Variants in ZNF600 observed in about 807,000 individuals in gnomAD.
ZNF600 encodes zinc finger protein KR-ZNF1.
ZNF600 carries 4 observed loss-of-function variants against 7.3 expected under a neutral mutation model. The observed-to-expected ratio is 0.55, with a 90% CI of 0.27 to 1.25. The LOEUF is 1.25. Ranked by LOEUF, ZNF600 falls within the 50% of genes most tolerant of loss-of-function variation. ZNF600 has a pLI of 0.12. For synonymous variants in ZNF600, 290 were observed against 308.9 expected (o/e 0.94, Z 0.64); for missense variants, 911 against 922.1 (o/e 0.99, Z 0.16).
At chr19:52,787,859 C>CA (rs561775430), upstream of ZNF600, among the ~76,000 whole-genome samples, 1,045 of 84,452 alleles carry the variant, frequency 0.012, 38 homozygotes, top group East Asian at 0.11. Flanking sequence ...GGCTACGTCT[C>CA]AAAAAAAAAA....
chr19:52,811,705 C>T, the ZNF600 span, among the ~76,000 whole-genome samples: 4 of 149,236 alleles, frequency 2.7e-5, no homozygotes, highest in Admixed American at 1.3e-4. Context: ...GCAACCACCC[C>T]GTCTGGGAAG....
chr19:52,816,393 G>A, the ZNF600 span, among the ~76,000 whole-genome samples: 14 of 146,122 alleles, frequency 9.6e-5, 1 homozygote, highest in Middle Eastern at 3.4e-3. Flanking sequence ...AGCCGGGCGC[G>A]GTGGCTCAAG....
chr19:52,811,316 C>T, the ZNF600 span, among the ~76,000 whole-genome samples: 3 of 150,312 alleles, frequency 2.0e-5, no homozygotes, highest in African/African-American at 5.0e-5. Context: ...GCCGCCACCC[C>T]GTCTGGGAAG....
At chr19:52,820,090 T>C in the ZNF600 span, among the ~76,000 whole-genome samples, 1 of 142,078 alleles carries the variant, frequency 7.0e-6, no homozygotes, top group Non-Finnish European at 1.5e-5. Context: ...GGCTCCATCC[T>C]TGCAACTTAT....
the ZNF600 span, among the ~76,000 whole-genome samples, chr19:52,828,577 C>G: frequency 6.6e-6 from 1 of 152,088 alleles, no homozygotes; most frequent in Admixed American, 6.6e-5. Flanking sequence ...ACGCATTTCC[C>G]TTAGTTATCT....
At chr19:52,772,779 C>T (rs1420305242) in intron 3 of ZNF600, among the ~76,000 whole-genome samples, 1 of 152,080 alleles carries the variant, frequency 6.6e-6, no homozygotes, top group African/African-American at 2.4e-5. Context: ...TTCTTAGGCA[C>T]AATAGTCAGC....
At chr19:52,797,723 A>G in the ZNF600 span, 1 of 153,000 alleles carries the variant, frequency 6.5e-6, no homozygotes, top group Admixed American at 6.5e-5. Context: ...ATACACATAC[A>G]ATCCATACTG....
At chr19:52,829,162 C>G in the ZNF600 span, among the ~76,000 whole-genome samples, 1 of 148,200 alleles carries the variant, frequency 6.7e-6, no homozygotes, top group Non-Finnish European at 1.5e-5. Context: ...CCTCACTCAG[C>G]CTTATTTTTA....
chr19:52,828,242 A>G, the ZNF600 span, among the ~76,000 whole-genome samples: 5 of 151,650 alleles, frequency 3.3e-5, no homozygotes, highest in African/African-American at 1.2e-4. Flanking sequence ...AGTAGAGATA[A>G]GGTTTCACCA....
At chr19:52,786,130 C>T (rs1338905507) in intron 1 of ZNF600, among the ~76,000 whole-genome samples, 1 of 152,134 alleles carries the variant, frequency 6.6e-6, no homozygotes, top group Non-Finnish European at 1.5e-5. Context: ...GCCTGCATCC[C>T]GTAGAAGCGC....
chr19:52,822,252 T>G, the ZNF600 span, among the ~76,000 whole-genome samples: 2 of 151,778 alleles, frequency 1.3e-5, no homozygotes, highest in African/African-American at 2.4e-5. Flanking sequence ...TTGTATTTTG[T>G]GTAGAGACAG....
chr19:52,799,800 T>C, the ZNF600 span: 193 of 1,613,764 alleles, frequency 1.2e-4, 4 homozygotes, highest in South Asian at 2.1e-3. Flanking sequence ...ATGAACTCTC[T>C]GATGCTGTGC....
rs756861115 is a variant in ZNF600, at chr19:52,766,249, A to T, written c.1714T>A (p.Cys572Ser). ...GACCTCAGACGGAAGGTCTTGCTGC[A>T]CTCATTACACTTGTAAGGTTTCTCT... Residue 572 changes from cysteine (C) to serine (S), a missense_variant, in exon 4 of 4, where the codon TGC becomes AGC. Coordinates refer to ENST00000648973, the Ensembl canonical transcript of ZNF600. 2.1e-5 allele frequency: 34 copies of T among 1,613,922 alleles called. No individual in the cohort carries two copies. In the South Asian group the frequency reaches 3.7e-4, roughly 18 times the overall value.
chr19:52,775,270 A>C (rs1392404593), intron 2 of ZNF600, among the ~76,000 whole-genome samples: 1 of 151,718 alleles, frequency 6.6e-6, no homozygotes, highest in Non-Finnish European at 1.5e-5. Context: ...ACAAAAAAAC[A>C]ATGCCGGGCA....
chr19:52,810,477 T>C, the ZNF600 span: 11 of 1,586,006 alleles, frequency 6.9e-6, no homozygotes, highest in Admixed American at 1.7e-5. Flanking sequence ...AGGACTTCCT[T>C]GGCCTTGGAT....
the ZNF600 span, chr19:52,806,026 C>A: frequency 2.6e-4 from 40 of 152,188 alleles, no homozygotes; most frequent in African/African-American, 9.6e-4. Flanking sequence ...GATACAGAAA[C>A]TGGCATATGT....
chr19:52,780,785 C>T lies in ZNF600; in HGVS notation c.-19-1878G>A, dbSNP rs1030346804. 1.3e-5 allele frequency: 2 copies of T among 152,150 alleles called. No homozygotes were observed. The highest frequency in any genetic ancestry group is 2.4e-5 in the African/African-American group (1 of 41,444). 9.4% of individuals were successfully genotyped at this position (152,150 alleles called of 1,614,324 possible). ...GTGATGTATCTTCTCACTCTTTTCACGTATACATCTAAGTTTCTCTTTATA... is the reference window on the plus strand; with the variant it reads ...GTGATGTATCTTCTCACTCTTTTCATGTATACATCTAAGTTTCTCTTTATA... On this transcript the variant is annotated intron_variant, in intron 1 of 3. It adds an upstream start codon to the 5' untranslated region. Transcript: ENST00000648973.
At chr19:52,767,918 T>G in intron 3 of ZNF600, 146 bp from the exon 6 acceptor site, 1 of 1,233,500 alleles carries the variant, frequency 8.1e-7, no homozygotes, top group Non-Finnish European at 1.1e-6. Flanking sequence ...AGGAGTAAGA[T>G]TCTTTAATAA....
At chr19:52,798,814 A>G in the ZNF600 span, 2 of 849,738 alleles carry the variant, frequency 2.4e-6, no homozygotes, top group Non-Finnish European at 3.7e-6. Flanking sequence ...CAATGGTTGT[A>G]GCATTACTGA....
Sources: gnomAD v4.1 joint callset for allele counts (sites outside exome capture counted in the v4.1 genomes callset) on GRCh38, gnomAD v4.1.1 for gene constraint, MANE v1.5 for transcripts, NCBI Gene and HGNC (gene_info 2026-07-23, HGNC 2026-07-21) for gene names.